The following IQSEC3 variants were observed in gnomAD, a reference collection of about 807,000 sequenced individuals.
The protein encoded by IQSEC3 is IQ motif and Sec7 domain ArfGEF 3.
IQSEC3 carries 50 observed loss-of-function variants against 105.4 expected under a neutral mutation model. That is an observed-to-expected ratio of 0.47 (90% CI 0.38 to 0.60). IQSEC3 has a LOEUF of 0.60. Ranked by LOEUF, IQSEC3 falls within the 20% of genes least tolerant of loss-of-function variation. The probability of loss-of-function intolerance (pLI) is 0.00; values close to 1 mark genes in which losing one functional copy is unlikely to be tolerated. For missense variants in IQSEC3, 1,415 were observed against 1,630.0 expected, an observed-to-expected ratio of 0.87 and a Z score of 2.27; for synonymous variants, 708 against 746.0, an observed-to-expected ratio of 0.95 and a Z score of 0.83.
chr12:79,816 C>T (rs1336224447), intron 1 of IQSEC3, among the ~76,000 whole-genome samples: 1 of 152,160 alleles, frequency 6.6e-6, no homozygotes, highest in Non-Finnish European at 1.5e-5. Flanking sequence ...AATTCCTGCC[C>T]GCCCCCACAC....
Position 88,678 on chromosome 12 carries a change from C to A in IQSEC3, c.555-10468C>A, listed in dbSNP as rs1358030753. The stretch of plus-strand genomic sequence containing the variant: ...CCGGCTTCTGGAACAGCTGTAACTG[C>A]TTGCCTTATTAAGATCTTCCCAAAG... On this transcript the variant is annotated intron_variant, in intron 1 of 13. Coordinates refer to ENST00000538872, the MANE Select transcript of IQSEC3 (RefSeq NM_001170738.2). Among the ~76,000 whole-genome samples, 3 of 152,266 alleles carry A rather than the reference C, an allele frequency of 2.0e-5. No individual in the cohort carries two copies. In the South Asian group the frequency reaches 6.2e-4, roughly 32 times the overall value.
intron 1 of IQSEC3, among the ~76,000 whole-genome samples, chr12:71,019 T>C (rs7954886): frequency 0.047 from 7,153 of 152,008 alleles, 365 homozygotes; most frequent in African/African-American, 0.16. Context: ...CTTCTATCCT[T>C]CTTCCACATA....
rs1444036652 is a variant in IQSEC3, at chr12:174,695, C to T, written c.3211C>T (p.Pro1071Ser). ...GCCGCCGCCAGACCTGCAGCCTAGC[C>T]CCCCGAGACAGCAGACCCCACCACT... ...PVPPPDLQPS[P>S]PRQQTPPLPP... is the part of the protein sequence containing the mutation. Residue 1071 changes from proline to serine, a missense_variant, in exon 14 of 14, where the codon CCC (proline) becomes TCC (serine). By Grantham distance (74) the Pro-to-Ser change is moderately conservative (BLOSUM62 -1). This residue lies in a region of IQSEC3 where 419 missense variants were observed against 436.2 expected (regional missense o/e 0.96). Coordinates refer to ENST00000538872, the MANE Select transcript of IQSEC3 (RefSeq NM_001170738.2). 4.4e-6 allele frequency: 7 copies of T among 1,593,264 alleles called. No individual in the cohort carries two copies. Among genetic ancestry groups the T allele is most frequent in the Non-Finnish European group, 5.9e-6 (7 of 1,177,670 alleles).
rs781948748 is a variant in IQSEC3, at chr12:125,846, G to C, written c.837G>C (p.Thr279=). 8 of 1,532,988 alleles carry C rather than the reference G, an allele frequency of 5.2e-6. No homozygotes were observed. The highest frequency in any genetic ancestry group is 2.0e-5 in the Admixed American group (1 of 50,928). The allele number at this position is 1,532,988 out of a possible 1,614,324, so 95.0% of individuals were successfully genotyped here. Residue 279 remains threonine, a synonymous_variant, in exon 3 of 14, where the codon ACG becomes ACC. Transcript: ENST00000538872. ...GCCGGCAGCAGCCTGCCCTGGCGAC[G>C]GCGCTGTGCCCCCACGCCCCTGCCG... ...SPGRQQPALA[T]ALCPHAPAAS...
At chr12:98,249 G>A (rs1864300848) in intron 1 of IQSEC3, among the ~76,000 whole-genome samples, 1 of 152,160 alleles carries the variant, frequency 6.6e-6, no homozygotes, top group African/African-American at 2.4e-5. Context: ...TGGAATCACA[G>A]CATTTTAGAG....
intron 2 of IQSEC3, among the ~76,000 whole-genome samples, chr12:102,567 C>T (rs556755348): frequency 4.0e-4 from 61 of 152,340 alleles, no homozygotes; most frequent in African/African-American, 1.3e-3. Context: ...TCTGCTCCCT[C>T]CCAGAAAGAC....
intron 1 of IQSEC3, among the ~76,000 whole-genome samples, chr12:70,985 CTT>C (rs1863292950): frequency 6.6e-6 from 1 of 152,256 alleles, no homozygotes; most frequent in South Asian, 2.1e-4. Context: ...CCCCCAAACA[CTT>C]TATCTCTCCC....
At chr12:131,916 C>T (rs1313254947) in intron 3 of IQSEC3, among the ~76,000 whole-genome samples, 1 of 152,172 alleles carries the variant, frequency 6.6e-6, no homozygotes, top group Non-Finnish European at 1.5e-5. Context: ...AGCAGTTGCT[C>T]CATGCCAGTT....
intron 1 of IQSEC3, among the ~76,000 whole-genome samples, chr12:80,692 A>C (rs944762730): frequency 2.0e-5 from 3 of 152,198 alleles, no homozygotes; most frequent in African/African-American, 2.4e-5. Context: ...CTTACAGACA[A>C]ACAAGATCAC....
At chr12:75,341 A>G (rs1863475292) in intron 1 of IQSEC3, among the ~76,000 whole-genome samples, 1 of 152,188 alleles carries the variant, frequency 6.6e-6, no homozygotes, top group South Asian at 2.1e-4. Flanking sequence ...TAAATTTTGC[A>G]GAGAATTGGA....
intron 1 of IQSEC3, among the ~76,000 whole-genome samples, chr12:81,435 A>G (rs1322621077): frequency 2.0e-5 from 3 of 152,234 alleles, no homozygotes; most frequent in Non-Finnish European, 4.4e-5. Flanking sequence ...TACACAGCCC[A>G]GGTAAGAGAT....
intron 1 of IQSEC3, among the ~76,000 whole-genome samples, chr12:77,184 C>A (rs1442381204): frequency 6.6e-6 from 1 of 152,268 alleles, no homozygotes; most frequent in Non-Finnish European, 1.5e-5. Context: ...AGTCTTGATG[C>A]GACTTAACGC....
At chr12:123,976 A>G (rs1865299542) in intron 2 of IQSEC3, among the ~76,000 whole-genome samples, 1 of 152,116 alleles carries the variant, frequency 6.6e-6, no homozygotes, top group Admixed American at 6.5e-5. Flanking sequence ...TCCTCAGTTC[A>G]CCATCAACAA....
At chr12:121,544 C>A (rs1295787067) in intron 2 of IQSEC3, among the ~76,000 whole-genome samples, 3 of 152,190 alleles carry the variant, frequency 2.0e-5, no homozygotes, top group African/African-American at 7.2e-5. Context: ...CACCCAAGAC[C>A]AAGGCCCTTT....
chr12:87,023 C>T (rs1364007334), intron 1 of IQSEC3, among the ~76,000 whole-genome samples: 1 of 152,122 alleles, frequency 6.6e-6, no homozygotes, highest in African/African-American at 2.4e-5. Flanking sequence ...TATGCAGGTG[C>T]ACTCCTAGGA....
At chr12:151,765 C>T (rs1591729612) in intron 5 of IQSEC3, among the ~76,000 whole-genome samples, 3 of 152,116 alleles carry the variant, frequency 2.0e-5, no homozygotes, top group South Asian at 2.1e-4. Flanking sequence ...TGCAACCTTG[C>T]GGACCCTGCC....
chr12:76,094 A>T (rs1460767879), intron 1 of IQSEC3, among the ~76,000 whole-genome samples: 3 of 8,854 alleles, frequency 3.4e-4, no homozygotes, highest in Admixed American at 2.9e-3. Flanking sequence ...CATCACACAC[A>T]CACACACACA....
rs1471123154 is a variant in IQSEC3 at position 163,574 on chromosome 12, G to A, written c.2664G>A (p.Gln888=). ...CGGATGTGAACAAGCTGCAGAAGCA[G>A]GCAGCGCATCAGAGGGAGGTGTTCC... ...EVTDVNKLQK[Q]AAHQREVFLF... Residue 888 remains glutamine (Q), a synonymous_variant, in exon 9 of 14, where the codon CAG becomes CAA. Transcript: ENST00000538872. The A allele has an allele frequency of 2.5e-6, 4 of 1,605,078 alleles. No homozygotes were observed. The highest frequency in any genetic ancestry group is 1.7e-6 in the Non-Finnish European group (2 of 1,172,956).
chr12:90,600 G>GA (rs35745815), intron 1 of IQSEC3, among the ~76,000 whole-genome samples: 88,881 of 151,954 alleles, frequency 0.58, 26,949 homozygotes, highest in African/African-American at 0.68. Flanking sequence ...CTTTTTGAAT[G>GA]CCTTGGTACT....
Sources: gnomAD v4.1 joint callset for allele counts (sites outside exome capture counted in the v4.1 genomes callset) on GRCh38, gnomAD v4.1.1 for gene constraint, gnomAD v4.1.1 regional missense constraint, MANE v1.5 for transcripts, NCBI Gene and HGNC (gene_info 2026-07-23, HGNC 2026-07-21) for gene names.